SRRM4: variants seen among roughly 807,000 people sequenced by gnomAD.
SRRM4 encodes serine/arginine repetitive matrix protein 4.
Under a neutral mutation model 68.9 loss-of-function variants are expected in SRRM4, and 33 were observed. The observed-to-expected ratio is 0.48, with a 90% CI of 0.36 to 0.64. The LOEUF is 0.64. Among genes scored for constraint, SRRM4 ranks in the 30% least tolerant of loss-of-function variants. The pLI, the probability that SRRM4 is intolerant of heterozygous loss-of-function variation, is 0.00. For missense variants in SRRM4, 817 were observed against 827.1 expected (o/e 0.99, Z 0.15); for synonymous variants, 318 against 318.8 (o/e 1.00, Z 0.03).
At chr12:119,117,123 T>A in intron 4 of SRRM4, 115 bp downstream of exon 4, 2 of 867,254 alleles carry the variant, frequency 2.3e-6, no homozygotes, top group South Asian at 3.0e-5. Context: ...AACAATTATC[T>A]ATGTCTTTTT....
chr12:119,096,366 T>C (rs1238543216), intron 1 of SRRM4, among the ~76,000 whole-genome samples: 1 of 152,082 alleles, frequency 6.6e-6, no homozygotes, highest in Non-Finnish European at 1.5e-5. Flanking sequence ...GCAGGACAGC[T>C]GCTGATGTTC....
intron 1 of SRRM4, among the ~76,000 whole-genome samples, chr12:119,055,237 A>C (rs1953769132): frequency 6.6e-6 from 1 of 152,148 alleles, no homozygotes; most frequent in Admixed American, 6.5e-5. Flanking sequence ...CTTCTCTCCT[A>C]CTGGTTTGTT....
intron 2 of SRRM4, among the ~76,000 whole-genome samples, chr12:119,113,899 A>C (rs1954160426): frequency 6.6e-6 from 1 of 152,178 alleles, no homozygotes. Context: ...TTCCAGCAGG[A>C]ACTACGGACA....
At chr12:118,986,690 T>A (rs1953284130) in intron 1 of SRRM4, among the ~76,000 whole-genome samples, 1 of 152,140 alleles carries the variant, frequency 6.6e-6, no homozygotes, top group African/African-American at 2.4e-5. Flanking sequence ...GTAGACATGT[T>A]AGCCAGTATG....
intron 1 of SRRM4, among the ~76,000 whole-genome samples, chr12:119,008,429 A>G (rs1237891316): frequency 1.3e-5 from 2 of 151,614 alleles, no homozygotes; most frequent in Admixed American, 6.6e-5. Context: ...TCTGATCTCT[A>G]CTCTTATCTA....
chr12:119,124,305 A>C (rs1371072795), intron 6 of SRRM4: 2 of 152,236 alleles, frequency 1.3e-5, no homozygotes, highest in Non-Finnish European at 2.9e-5. Context: ...GGGCAGAAGA[A>C]GACAAGCAGT....
intron 2 of SRRM4, among the ~76,000 whole-genome samples, chr12:119,111,868 ACC>A (rs1380782390): frequency 1.3e-5 from 2 of 152,078 alleles, no homozygotes; most frequent in Non-Finnish European, 2.9e-5. Flanking sequence ...ACATGGTGAA[ACC>A]CTGTCTCTAC....
At chr12:119,023,307 T>A (rs1199475790) in intron 1 of SRRM4, among the ~76,000 whole-genome samples, 1 of 152,038 alleles carries the variant, frequency 6.6e-6, no homozygotes, top group Non-Finnish European at 1.5e-5. Flanking sequence ...TGAAACTGGG[T>A]GATTTTGCAT....
At chr12:119,072,328 G>A (rs1294541569) in intron 1 of SRRM4, among the ~76,000 whole-genome samples, 1 of 152,170 alleles carries the variant, frequency 6.6e-6, no homozygotes, top group Non-Finnish European at 1.5e-5. Flanking sequence ...CTCGGAGGTA[G>A]CTGACCTAAA....
At chr12:119,056,891 T>G (rs1953779726) in intron 1 of SRRM4, among the ~76,000 whole-genome samples, 1 of 152,220 alleles carries the variant, frequency 6.6e-6, no homozygotes, top group Non-Finnish European at 1.5e-5. Flanking sequence ...CCCACCTGTC[T>G]TGTTCATTAA....
Position 119,048,253 on chromosome 12 carries a change from A to G in SRRM4, c.132-53983A>G, listed in dbSNP as rs76157459. Among the ~76,000 whole-genome samples the G allele has an allele frequency of 3.9e-3, 596 of 152,326 alleles. 1 individual carries two copies. Among genetic ancestry groups the G allele is most frequent in the African/African-American group, 0.013 (548 of 41,578 alleles). The stretch of plus-strand genomic sequence containing the variant: ...GGAGAGGGCGGTAAAGCCAAGACCC[A>G]GCTCTGGGTCTCCCTAACCCAGTTC... On this transcript the variant is annotated intron_variant, in intron 1 of 12. Coordinates refer to ENST00000267260, the MANE Select transcript of SRRM4 (RefSeq NM_194286.4).
At chr12:119,012,659 G>A (rs1232578518) in intron 1 of SRRM4, among the ~76,000 whole-genome samples, 7 of 152,100 alleles carry the variant, frequency 4.6e-5, no homozygotes, top group Non-Finnish European at 1.0e-4. Context: ...CCTGCTCTCT[G>A]AGCCAAATTC....
At position 119,151,008 on chromosome 12, in the gene SRRM4, C is replaced by T. The variant is rs762100703; in HGVS notation, c.1077-9C>T. The T allele has an allele frequency of 1.9e-6, 3 of 1,613,384 alleles. No homozygotes were observed. The African/African-American group carries it at 4.0e-5, about 22-fold the overall frequency. Reference sequence around the variant, plus strand: ...CAGTCGGTGCTCATGGACATTTTCCCACCTGCAGGGGATTTCAGTCACCGT... The same window carrying T: ...CAGTCGGTGCTCATGGACATTTTCCTACCTGCAGGGGATTTCAGTCACCGT... On this transcript the variant is annotated splice_polypyrimidine_tract_variant and intron_variant, in intron 9 of 12. Transcript: ENST00000267260.
At chr12:119,081,511 C>A (rs1460397426) in intron 1 of SRRM4, among the ~76,000 whole-genome samples, 1 of 152,120 alleles carries the variant, frequency 6.6e-6, no homozygotes, top group African/African-American at 2.4e-5. Flanking sequence ...GGGAAAGGAG[C>A]AGGAAGTGAG....
chr12:118,997,340 G>T (rs896537691), intron 1 of SRRM4, among the ~76,000 whole-genome samples: 13 of 152,214 alleles, frequency 8.5e-5, no homozygotes, highest in African/African-American at 3.1e-4. Flanking sequence ...TGAGGTTGTT[G>T]TATTTACCCA....
At chr12:119,117,912 A>AAAACAAACAAAC in intron 4 of SRRM4, among the ~76,000 whole-genome samples, 5 of 152,066 alleles carry the variant, frequency 3.3e-5, no homozygotes, top group Admixed American at 3.3e-4. Context: ...CTCTGTCTAA[A>AAAACAAACAAAC]AAACAAACAA....
At chr12:119,003,707 G>C (rs1414366234) in intron 1 of SRRM4, among the ~76,000 whole-genome samples, 1 of 151,998 alleles carries the variant, frequency 6.6e-6, no homozygotes, top group African/African-American at 2.4e-5. Context: ...AGCTCCCCCA[G>C]GGGCTTGCTG....
At chr12:119,092,759 TC>T (rs1317125658) in intron 1 of SRRM4, among the ~76,000 whole-genome samples, 2 of 152,018 alleles carry the variant, frequency 1.3e-5, no homozygotes, top group Non-Finnish European at 2.9e-5. Context: ...GCCAGAGGGA[TC>T]CTTTAAAACC....
chr12:119,115,984 C>G lies in SRRM4; in HGVS notation c.366-953C>G, dbSNP rs141918524. ...AGGCAGGTGCTGTAGAAGCCCAGACCTGAATTCCTACACAGGATCTTCGGC... is the reference window on the plus strand; with the variant it reads ...AGGCAGGTGCTGTAGAAGCCCAGACGTGAATTCCTACACAGGATCTTCGGC... On this transcript the variant is annotated intron_variant, in intron 3 of 12. Coordinates refer to ENST00000267260, the MANE Select transcript of SRRM4 (RefSeq NM_194286.4). Among the ~76,000 whole-genome samples the G allele has an allele frequency of 4.2e-3, 645 of 152,150 alleles. 1 individual carries two copies. The highest frequency in any genetic ancestry group is 6.0e-3 in the Admixed American group (91 of 15,284).
Sources: gnomAD v4.1 joint callset for allele counts (sites outside exome capture counted in the v4.1 genomes callset) on GRCh38, gnomAD v4.1.1 for gene constraint, MANE v1.5 for transcripts, NCBI Gene and HGNC (gene_info 2026-07-23, HGNC 2026-07-21) for gene names.